BCAS3: variants seen among roughly 807,000 people sequenced by gnomAD.
BCAS3 encodes the protein BCAS4/BCAS3 fusion.
BCAS3 carries 53 observed loss-of-function variants against 116.1 expected under a neutral mutation model. That is an observed-to-expected ratio of 0.46 (90% CI 0.37 to 0.57). BCAS3 has a LOEUF of 0.57. BCAS3 is among the 20% of genes least tolerant of loss of function. BCAS3 has a pLI of 0.00. For missense variants in BCAS3, 917 were observed against 1,165.4 expected, an observed-to-expected ratio of 0.79 and a Z score of 3.10; for synonymous variants, 391 against 408.2, an observed-to-expected ratio of 0.96 and a Z score of 0.51.
chr17:61,340,803 T>A (rs1451615623), intron 22 of BCAS3, among the ~76,000 whole-genome samples: 1 of 152,076 alleles, frequency 6.6e-6, no homozygotes, highest in Admixed American at 6.5e-5. Context: ...GCAGGCGGGA[T>A]CAATGTATTA....
chr17:60,835,765 T>C (rs2051316578), intron 7 of BCAS3, among the ~76,000 whole-genome samples: 1 of 152,100 alleles, frequency 6.6e-6, no homozygotes, highest in Admixed American at 6.6e-5. Flanking sequence ...CAATGGGTGG[T>C]ATTTATCAAA....
intron 22 of BCAS3, among the ~76,000 whole-genome samples, chr17:61,230,967 T>C (rs1309084393): frequency 6.7e-6 from 1 of 149,648 alleles, no homozygotes; most frequent in Non-Finnish European, 1.5e-5. Context: ...GCCTTTTTTT[T>C]TTTTTTTTTT....
Position 61,161,987 on chromosome 17 carries a change from G to A in BCAS3, c.2425+77423G>A, listed in dbSNP as rs1343106286. Among the ~76,000 whole-genome samples the A allele has an allele frequency of 1.3e-5, 2 of 152,152 alleles. No individual in the cohort carries two copies. On this transcript the variant is annotated intron_variant, in intron 22 of 23. Transcript: ENST00000407086. The surrounding 1 kb of genome is among the most constrained non-coding windows in gnomAD (Gnocchi z 4.8). ...CTAAATTGGATTCCTTCTACTAAGA[G>A]ATCCTAAATTCGTGTTTAATAGCCA...
At chr17:61,197,440 C>CCT (rs1213037834) in intron 22 of BCAS3, among the ~76,000 whole-genome samples, 2 of 152,122 alleles carry the variant, frequency 1.3e-5, no homozygotes, top group African/African-American at 4.8e-5. Context: ...GGCTCTTTTG[C>CCT]CAACATTGAG....
At chr17:60,937,804 T>C (rs1279206079) in intron 13 of BCAS3, among the ~76,000 whole-genome samples, 4 of 152,220 alleles carry the variant, frequency 2.6e-5, no homozygotes, top group African/African-American at 9.6e-5. Flanking sequence ...AGGTGTACTT[T>C]ATTATGCACT....
chr17:60,841,934 C>A (rs2051974607), intron 7 of BCAS3, among the ~76,000 whole-genome samples: 1 of 151,982 alleles, frequency 6.6e-6, no homozygotes, highest in African/African-American at 2.4e-5. Flanking sequence ...TGGGGACCAG[C>A]AAATGGAAGA....
intron 6 of BCAS3, among the ~76,000 whole-genome samples, chr17:60,797,374 A>T (rs1404023721): frequency 2.6e-5 from 4 of 151,080 alleles, no homozygotes; most frequent in African/African-American, 9.7e-5. Context: ...TTATTTATTT[A>T]TTTATTTATT....
At chr17:60,797,912 T>C (rs907577761) in intron 6 of BCAS3, among the ~76,000 whole-genome samples, 4 of 152,186 alleles carry the variant, frequency 2.6e-5, no homozygotes, top group African/African-American at 9.7e-5. Context: ...CATGGTGATG[T>C]GTGCCTGTAG....
At chr17:60,740,189 A>AT (rs2041394643) in intron 5 of BCAS3, among the ~76,000 whole-genome samples, 1 of 151,922 alleles carries the variant, frequency 6.6e-6, no homozygotes, top group African/African-American at 2.4e-5. Flanking sequence ...ATGCTTTCTA[A>AT]TTTTTTGTTA....
intron 22 of BCAS3, among the ~76,000 whole-genome samples, chr17:61,335,217 T>C (rs1481531927): frequency 5.3e-5 from 8 of 152,272 alleles, no homozygotes; most frequent in Non-Finnish European, 1.2e-4. Context: ...GTGTGTGCTC[T>C]GTACGTTCAC....
In BCAS3 at chr17:60,961,029, C is replaced by A. The variant is rs566986734; in HGVS notation, c.1221+13677C>A. Among the ~76,000 whole-genome samples the A allele has an allele frequency of 6.6e-6, 1 of 152,124 alleles. No homozygotes were observed. Among genetic ancestry groups the A allele is most frequent in the East Asian group, 1.9e-4 (1 of 5,154 alleles). On this transcript the variant is annotated intron_variant, in intron 14 of 23. Transcript: ENST00000407086. The surrounding 1 kb of genome is among the most constrained non-coding windows in gnomAD (Gnocchi z 4.8). ...GAATGTTGTCAAGCTATACTCCTGGCCTTCAGAGCACATTTTCCCAACCAT... is the reference window on the plus strand; with the variant it reads ...GAATGTTGTCAAGCTATACTCCTGGACTTCAGAGCACATTTTCCCAACCAT...
chr17:61,392,287 C>T lies in BCAS3; in HGVS notation c.*162C>T. 3.6e-6 allele frequency: 3 copies of T among 845,010 alleles called. No homozygotes were observed. The highest frequency in any genetic ancestry group is 5.4e-6 in the Non-Finnish European group (3 of 559,116). 52.3% of individuals were successfully genotyped at this position (845,010 alleles called of 1,614,324 possible). A position where few individuals can be genotyped will look rare whatever the true frequency, so the allele number is the denominator to read the frequency against. On this transcript the variant is annotated 3_prime_UTR_variant, in exon 24 of 24. Coordinates refer to ENST00000407086, the MANE Select transcript of BCAS3 (RefSeq NM_017679.5). This position sits in a 1 kb window ranked among gnomAD's most constrained non-coding sequence, Gnocchi z 6.4. ...CATCCTACCTGGATGGAGAAGAGAC[C>T]CTTCTCCAAGCACCTCAGCGCACTT...
chr17:61,014,456 A>G (rs2065308941), intron 15 of BCAS3, among the ~76,000 whole-genome samples: 1 of 152,156 alleles, frequency 6.6e-6, no homozygotes, highest in South Asian at 2.1e-4. Context: ...AAACATGGAA[A>G]GGCAATTAAA....
At chr17:61,289,659 A>T (rs2052192965) in intron 22 of BCAS3, among the ~76,000 whole-genome samples, 1 of 152,184 alleles carries the variant, frequency 6.6e-6, no homozygotes, top group South Asian at 2.1e-4. Context: ...ACAGGGTTGC[A>T]CTGCTTAATG....
At chr17:61,127,553 A>T (rs562890391) in intron 22 of BCAS3, among the ~76,000 whole-genome samples, 15 of 151,636 alleles carry the variant, frequency 9.9e-5, no homozygotes, top group Non-Finnish European at 1.6e-4. Context: ...TCATTTTCTC[A>T]GTTGCACTAG....
rs570690864 is a variant in BCAS3, at chr17:61,019,206, G to A, written c.1637+3305G>A. 1.3e-5 allele frequency among the ~76,000 whole-genome samples: 2 copies of A among 152,230 alleles called. No individual in the cohort carries two copies. Among genetic ancestry groups the A allele is most frequent in the African/African-American group, 2.4e-5 (1 of 41,542 alleles). ...CTCTGCCTCCTGTCAGATCAGCATC[G>A]GCATTAGATTCTCGTTAAGAGTGCA... On this transcript the variant is annotated intron_variant, in intron 16 of 23. Coordinates refer to ENST00000407086, the MANE Select transcript of BCAS3 (RefSeq NM_017679.5). The surrounding 1 kb of genome is among the most constrained non-coding windows in gnomAD (Gnocchi z 5.6).
chr17:60,851,722 G>A, intron 7 of BCAS3: 1 of 865,986 alleles, frequency 1.2e-6, no homozygotes, highest in South Asian at 1.3e-5. Flanking sequence ...TGAAGCAGGA[G>A]AGAAAGAAGC....
At chr17:60,878,371 G>A (rs771173014) in intron 9 of BCAS3, among the ~76,000 whole-genome samples, 12 of 152,268 alleles carry the variant, frequency 7.9e-5, no homozygotes, top group South Asian at 2.1e-4. Flanking sequence ...GTAGGATGGT[G>A]CATGTCTTGG....
chr17:61,129,366 G>A (rs1168025238), intron 22 of BCAS3, among the ~76,000 whole-genome samples: 1 of 152,146 alleles, frequency 6.6e-6, no homozygotes, highest in Admixed American at 6.5e-5. Context: ...CTTAGACTAC[G>A]AGAGCTAACC....
Sources: gnomAD v4.1 joint callset for allele counts (sites outside exome capture counted in the v4.1 genomes callset) on GRCh38, gnomAD v4.1.1 for gene constraint, Gnocchi (gnomAD v3.1) non-coding constraint, MANE v1.5 for transcripts, NCBI Gene and HGNC (gene_info 2026-07-23, HGNC 2026-07-21) for gene names.